Variants in KCNAB1 observed in about 807,000 individuals in gnomAD.
KCNAB1 encodes the protein potassium voltage-gated channel subfamily A regulatory beta subunit 1.
Under a neutral mutation model 64.6 loss-of-function variants are expected in KCNAB1, and 35 were observed. The observed-to-expected ratio is 0.54, with a 90% CI of 0.41 to 0.72. KCNAB1 has a LOEUF of 0.72. Ranked by LOEUF, KCNAB1 falls within the 30% of genes least tolerant of loss-of-function variation. KCNAB1 has a pLI of 0.00. For missense variants in KCNAB1, 401 were observed against 512.9 expected (o/e 0.78, Z 2.11); for synonymous variants, 177 against 183.8 (o/e 0.96, Z 0.30).
At position 156,120,677 on chromosome 3, in the gene KCNAB1, A is replaced by G; in HGVS notation, c.66A>G (p.Arg22=). The change falls in exon 1 of 14, where the codon AGA becomes AGG. Residue 22 remains arginine, a synonymous_variant. Coordinates refer to ENST00000490337, the MANE Select transcript of KCNAB1 (RefSeq NM_172160.3). Reference sequence around the variant, plus strand: ...CAGAGGAGAACACCAAGTTAAGGAGACAGTCTGGGTTTTCTGTAGCAGGGA... The same window carrying G: ...CAGAGGAGAACACCAAGTTAAGGAGGCAGTCTGGGTTTTCTGTAGCAGGGA... ...QISEENTKLR[R]QSGFSVAGKD... The G allele has an allele frequency of 1.2e-6, 2 of 1,614,220 alleles. No homozygotes were observed. Among genetic ancestry groups the G allele is most frequent in the Non-Finnish European group, 8.5e-7 (1 of 1,180,040 alleles).
intron 1 of KCNAB1, among the ~76,000 whole-genome samples, chr3:156,249,336 A>G (rs4680251): frequency 0.59 from 89,286 of 151,738 alleles, 27,111 homozygotes; most frequent in East Asian, 0.78. Flanking sequence ...GCCGAGGCAG[A>G]TGGATCACCT....
chr3:156,296,530 G>C (rs1270015188), intron 1 of KCNAB1, among the ~76,000 whole-genome samples: 1 of 143,004 alleles, frequency 7.0e-6, no homozygotes, highest in Non-Finnish European at 1.5e-5. Context: ...CTGGAGGGCA[G>C]TGGCGCCGTC....
intron 1 of KCNAB1, among the ~76,000 whole-genome samples, chr3:156,305,014 G>A (rs1376677704): frequency 1.3e-5 from 2 of 151,740 alleles, no homozygotes; most frequent in African/African-American, 4.8e-5. Context: ...ATGGCTCGGT[G>A]GAAGCATGGC....
intron 2 of KCNAB1, among the ~76,000 whole-genome samples, chr3:156,437,783 G>A (rs894654259): frequency 4.1e-4 from 63 of 152,268 alleles, no homozygotes; most frequent in African/African-American, 1.4e-3. Context: ...TGGTCAGGGC[G>A]AAAGACCCTG....
chr3:156,352,527 A>G (rs1283406578), intron 1 of KCNAB1, among the ~76,000 whole-genome samples: 1 of 152,170 alleles, frequency 6.6e-6, no homozygotes, highest in East Asian at 1.9e-4. Flanking sequence ...ATCCACTCCC[A>G]ATCCTCAGCT....
At chr3:156,524,719 C>A (rs1256395781) in intron 12 of KCNAB1, among the ~76,000 whole-genome samples, 1 of 141,358 alleles carries the variant, frequency 7.1e-6, no homozygotes, top group African/African-American at 2.8e-5. Context: ...TGCACTCCAG[C>A]CTGCGTGACA....
chr3:156,518,357 G>A (rs1410850428), intron 11 of KCNAB1, among the ~76,000 whole-genome samples: 1 of 152,044 alleles, frequency 6.6e-6, no homozygotes, highest in Non-Finnish European at 1.5e-5. Flanking sequence ...GTGCACTTAT[G>A]AAAGCCACTT....
upstream of KCNAB1, chr3:156,120,548 A>C (rs1713274106): frequency 6.3e-7 from 1 of 1,588,240 alleles, no homozygotes; most frequent in African/African-American, 1.3e-5. Context: ...AGGCAGAAGC[A>C]GAAAAATCAA....
rs554402426 is a variant in KCNAB1 at position 156,176,715 on chromosome 3, T to A, written c.275+55829T>A. The A allele has an allele frequency of 4.3e-4, 413 of 958,216 alleles. 2 individuals are homozygous for A. In the African/African-American group the frequency reaches 6.1e-3, roughly 14 times the overall value. 59.4% of individuals were successfully genotyped at this position (958,216 alleles called of 1,614,324 possible). On this transcript the variant is annotated intron_variant, in intron 1 of 13. Coordinates refer to ENST00000490337, the MANE Select transcript of KCNAB1 (RefSeq NM_172160.3). ...CTTGCAGCAGTATACTTCCCCTTCA[T>A]GTCCAGAGAGCAGCATGATTGGGGC...
At chr3:156,310,783 G>A (rs530990380) in intron 1 of KCNAB1, among the ~76,000 whole-genome samples, 5 of 152,262 alleles carry the variant, frequency 3.3e-5, no homozygotes, top group South Asian at 2.1e-4. Flanking sequence ...CAGCCTGGGT[G>A]ACAGAGCGGG....
chr3:156,535,538 T>C (rs897543998), intron 13 of KCNAB1, among the ~76,000 whole-genome samples: 1 of 152,162 alleles, frequency 6.6e-6, no homozygotes, highest in African/African-American at 2.4e-5. Flanking sequence ...GCTCCACAGC[T>C]GCACTTGCAG....
At chr3:156,138,525 C>T (rs866659618) in intron 1 of KCNAB1, among the ~76,000 whole-genome samples, 5 of 152,134 alleles carry the variant, frequency 3.3e-5, no homozygotes, top group African/African-American at 1.2e-4. Context: ...CAAATCACCT[C>T]GTTAGCCAAG....
chr3:156,208,990 C>T (rs950321931), intron 1 of KCNAB1, among the ~76,000 whole-genome samples: 2 of 152,120 alleles, frequency 1.3e-5, no homozygotes, highest in African/African-American at 2.4e-5. Flanking sequence ...TTTCCAGCCC[C>T]GCTTTAATGG....
At chr3:156,337,388 C>A (rs1386521542) in intron 1 of KCNAB1, among the ~76,000 whole-genome samples, 1 of 152,084 alleles carries the variant, frequency 6.6e-6, no homozygotes, top group Non-Finnish European at 1.5e-5. Flanking sequence ...TTTTTTCCCC[C>A]CACTGTCTTC....
intron 7 of KCNAB1, among the ~76,000 whole-genome samples, chr3:156,474,203 G>C (rs1429423560): frequency 6.6e-6 from 1 of 152,002 alleles, no homozygotes; most frequent in Non-Finnish European, 1.5e-5. Flanking sequence ...TTGAGCAAAG[G>C]CTTCATTTGC....
intron 1 of KCNAB1, among the ~76,000 whole-genome samples, chr3:156,347,946 A>G (rs1322958174): frequency 6.6e-6 from 1 of 152,210 alleles, no homozygotes; most frequent in Non-Finnish European, 1.5e-5. Context: ...TTAACTAGGA[A>G]ATACATATGA....
At chr3:156,390,806 C>T (rs1712986098) in intron 1 of KCNAB1, among the ~76,000 whole-genome samples, 1 of 152,062 alleles carries the variant, frequency 6.6e-6, no homozygotes, top group Non-Finnish European at 1.5e-5. Flanking sequence ...AGGATGGTCT[C>T]GATCTCCTGA....
At chr3:156,224,495 AAGTTCTT>A (rs1716026875) in intron 1 of KCNAB1, among the ~76,000 whole-genome samples, 1 of 152,274 alleles carries the variant, frequency 6.6e-6, no homozygotes, top group Non-Finnish European at 1.5e-5. Context: ...TCTCAAATCT[AAGTTCTT>A]ACCTCACAGA....
chr3:156,238,207 G>C (rs1325728867), intron 1 of KCNAB1, among the ~76,000 whole-genome samples: 1 of 152,088 alleles, frequency 6.6e-6, no homozygotes, highest in African/African-American at 2.4e-5. Flanking sequence ...CGGATCACGA[G>C]GTCAGGAGAT....
Sources: gnomAD v4.1 joint callset for allele counts (sites outside exome capture counted in the v4.1 genomes callset) on GRCh38, gnomAD v4.1.1 for gene constraint, MANE v1.5 for transcripts, NCBI Gene and HGNC (gene_info 2026-07-23, HGNC 2026-07-21) for gene names.